The following CAPZA1 variants were observed in gnomAD, a reference collection of about 807,000 sequenced individuals.
CAPZA1 encodes capping actin protein of muscle Z-line subunit alpha 1, also known as F-actin-capping protein subunit alpha-1.
Under a neutral mutation model 40.8 loss-of-function variants are expected in CAPZA1, and 10 were observed. The observed-to-expected ratio is 0.25, with a 90% CI of 0.15 to 0.42. The LOEUF (loss-of-function observed/expected upper bound fraction) is 0.42. CAPZA1 is among the 10% of genes least tolerant of loss of function. The probability of loss-of-function intolerance (pLI) is 1.00; values close to 1 mark genes in which losing one functional copy is unlikely to be tolerated. For synonymous variants in CAPZA1, 98 were observed against 115.0 expected, an observed-to-expected ratio of 0.85 and a Z score of 0.95; for missense variants, 277 against 353.8, an observed-to-expected ratio of 0.78 and a Z score of 1.74.
At position 112,670,354 on chromosome 1, in the gene CAPZA1, C is replaced by CTTTTTTTATTTTTT. The variant is rs140993095; in HGVS notation, c.*229_*230insATTTTTTTTTTTTT. The CTTTTTTTATTTTTT allele has an allele frequency of 7.7e-6, 1 of 130,228 alleles. No homozygotes were observed. The highest frequency in any genetic ancestry group is 1.4e-5 in the Non-Finnish European group (1 of 71,936). 8.1% of individuals were successfully genotyped at this position (130,228 alleles called of 1,614,324 possible). A position where few individuals can be genotyped will look rare whatever the true frequency, so the allele number is the denominator to read the frequency against. Reference sequence around the variant, plus strand: ...GTTACTGCTATATCTACGTGTAAATCTTTTTTTCTTTTTTTTTTTTTTTTT... The same window carrying CTTTTTTTATTTTTT: ...GTTACTGCTATATCTACGTGTAAATCTTTTTTTATTTTTTTTTTTTTCTTTTTTTTTTTTTTTTT... On this transcript the variant is annotated 3_prime_UTR_variant, in exon 10 of 10. Coordinates refer to ENST00000263168, the MANE Select transcript of CAPZA1 (RefSeq NM_006135.3).
At chr1:112,636,933 T>A (rs2101148716) in intron 1 of CAPZA1, among the ~76,000 whole-genome samples, 1 of 152,366 alleles carries the variant, frequency 6.6e-6, no homozygotes, top group South Asian at 2.1e-4. Context: ...TTAAACTTAT[T>A]TATCATTTTA....
chr1:112,667,878 C>A (rs535539923), intron 8 of CAPZA1, among the ~76,000 whole-genome samples: 2 of 152,018 alleles, frequency 1.3e-5, no homozygotes, highest in African/African-American at 4.8e-5. Flanking sequence ...TTTGTTCTTG[C>A]ATTTCTTTGA....
chr1:112,639,527 T>A (rs1238536251), intron 1 of CAPZA1, among the ~76,000 whole-genome samples: 1 of 152,188 alleles, frequency 6.6e-6, no homozygotes, highest in Non-Finnish European at 1.5e-5. Flanking sequence ...CATGAGGTAC[T>A]ATGGGGATAT....
chr1:112,622,095 G>GT (rs1670688863), intron 1 of CAPZA1, among the ~76,000 whole-genome samples: 1 of 151,746 alleles, frequency 6.6e-6, no homozygotes, highest in African/African-American at 2.4e-5. Flanking sequence ...TCTGTGACCA[G>GT]TTTCCTCTTC....
chr1:112,669,052 C>T (rs889306375), intron 8 of CAPZA1, among the ~76,000 whole-genome samples: 3 of 152,148 alleles, frequency 2.0e-5, no homozygotes, highest in African/African-American at 4.8e-5. Context: ...ACTTGAACCA[C>T]GTGGTACAAA....
intron 3 of CAPZA1, among the ~76,000 whole-genome samples, chr1:112,650,569 C>T (rs1254798754): frequency 6.6e-6 from 1 of 152,218 alleles, no homozygotes; most frequent in Non-Finnish European, 1.5e-5. Context: ...TCATCAACAT[C>T]TGTCAATAGA....
rs60973907 is a variant in CAPZA1, at chr1:112,651,699, G to GTT, written c.156-1891_156-1890dup. ...AGAATAAAATATTTACTTCCTACTCGTTTTTTTTTAAACTAACATTTATTC... is the reference window on the plus strand; with the variant it reads ...AGAATAAAATATTTACTTCCTACTCGTTTTTTTTTTTAAACTAACATTTATTC... On this transcript the variant is annotated intron_variant, in intron 3 of 9. Transcript: ENST00000263168. Among the ~76,000 whole-genome samples the GTT allele has an allele frequency of 1.4e-3, 208 of 151,402 alleles. 1 individual carries two copies. The highest frequency in any genetic ancestry group is 4.6e-3 in the African/African-American group (191 of 41,266).
intron 8 of CAPZA1, among the ~76,000 whole-genome samples, chr1:112,668,830 G>A (rs542379455): frequency 2.6e-5 from 4 of 152,298 alleles, no homozygotes; most frequent in African/African-American, 9.6e-5. Flanking sequence ...CACACATCAT[G>A]TAGTTTCTAG....
intron 2 of CAPZA1, 87 bp downstream of exon 2, chr1:112,647,360 G>T: frequency 3.7e-5 from 25 of 671,144 alleles, no homozygotes; most frequent in African/African-American, 1.8e-5. Context: ...ACGACTTGTT[G>T]TAGCCATAGC....
At chr1:112,663,486 T>G (rs1466665030) in intron 7 of CAPZA1, among the ~76,000 whole-genome samples, 1 of 151,952 alleles carries the variant, frequency 6.6e-6, no homozygotes, top group East Asian at 1.9e-4. Flanking sequence ...ATTATCACCC[T>G]TCTTTTCCAT....
chr1:112,645,403 T>C (rs1454773653), intron 1 of CAPZA1, among the ~76,000 whole-genome samples: 1 of 152,162 alleles, frequency 6.6e-6, no homozygotes, highest in Non-Finnish European at 1.5e-5. Context: ...GGTGGGAGGA[T>C]CACTTGAGGC....
At chr1:112,623,545 G>A (rs1202590442) in intron 1 of CAPZA1, among the ~76,000 whole-genome samples, 2 of 152,064 alleles carry the variant, frequency 1.3e-5, no homozygotes, top group African/African-American at 4.8e-5. Flanking sequence ...GCTGGGCGCA[G>A]TGGCACATGC....
At chr1:112,644,585 G>A (rs1257033432) in intron 1 of CAPZA1, among the ~76,000 whole-genome samples, 1 of 151,960 alleles carries the variant, frequency 6.6e-6, no homozygotes, top group East Asian at 1.9e-4. Context: ...ATTGTTTGAA[G>A]GAAATAAGTC....
intron 5 of CAPZA1, among the ~76,000 whole-genome samples, chr1:112,658,257 C>T (rs1346275605): frequency 6.6e-6 from 1 of 152,150 alleles, no homozygotes; most frequent in Non-Finnish European, 1.5e-5. Flanking sequence ...GTGTTTCTAA[C>T]TACTAACTAG....
At chr1:112,622,837 G>A (rs1174543401) in intron 1 of CAPZA1, among the ~76,000 whole-genome samples, 1 of 151,704 alleles carries the variant, frequency 6.6e-6, no homozygotes, top group Non-Finnish European at 1.5e-5. Context: ...GTTGTAAATA[G>A]ATGAAATATG....
intron 1 of CAPZA1, among the ~76,000 whole-genome samples, chr1:112,644,283 C>T (rs866112880): frequency 2.5e-4 from 36 of 144,734 alleles, no homozygotes; most frequent in Middle Eastern, 4.1e-3. Context: ...CTCCACCTTC[C>T]GGGTTGAGGT....
intron 1 of CAPZA1, among the ~76,000 whole-genome samples, chr1:112,640,594 A>G (rs1250628958): frequency 7.7e-6 from 1 of 129,874 alleles, no homozygotes; most frequent in Non-Finnish European, 1.6e-5. Flanking sequence ...TCCGGGAGGG[A>G]GGTGGGGGGG....
At chr1:112,625,412 A>G (rs2101136328) in intron 1 of CAPZA1, among the ~76,000 whole-genome samples, 1 of 152,330 alleles carries the variant, frequency 6.6e-6, no homozygotes, top group East Asian at 1.9e-4. Context: ...TGTGTGTTTT[A>G]AAGAAAAAGG....
chr1:112,648,133 C>T (rs1671316144), intron 2 of CAPZA1, among the ~76,000 whole-genome samples: 1 of 151,894 alleles, frequency 6.6e-6, no homozygotes, highest in Non-Finnish European at 1.5e-5. Context: ...ATCTTTATTG[C>T]TAAAATTGGA....
Sources: gnomAD v4.1 joint callset for allele counts (sites outside exome capture counted in the v4.1 genomes callset) on GRCh38, gnomAD v4.1.1 for gene constraint, MANE v1.5 for transcripts, NCBI Gene and HGNC (gene_info 2026-07-23, HGNC 2026-07-21) for gene names.